The following PLCH1 variants were observed in gnomAD, a reference collection of about 807,000 sequenced individuals.
PLCH1 encodes the protein 1-phosphatidylinositol 4,5-bisphosphate phosphodiesterase eta-1.
A neutral mutation model predicts 126.7 loss-of-function variants in PLCH1; 60 were observed. That is an observed-to-expected ratio of 0.47 (90% CI 0.38 to 0.59). PLCH1 has a LOEUF of 0.59. Among genes scored for constraint, PLCH1 ranks in the 20% least tolerant of loss-of-function variants. The pLI is 0.00. For synonymous variants in PLCH1, 719 were observed against 734.9 expected (o/e 0.98, Z 0.35); for missense variants, 1,723 against 2,040.0 (o/e 0.84, Z 2.99).
chr3:155,534,081 G>A (rs953145597), intron 10 of PLCH1, among the ~76,000 whole-genome samples: 1 of 152,234 alleles, frequency 6.6e-6, no homozygotes, highest in African/African-American at 2.4e-5. Context: ...CCACTGTGTA[G>A]TAAAGCTGTG....
intron 2 of PLCH1, among the ~76,000 whole-genome samples, chr3:155,686,217 T>C (rs1163563460): frequency 1.3e-5 from 2 of 151,992 alleles, no homozygotes. Flanking sequence ...TAAAGTCCCA[T>C]GTGTGGTTGA....
intron 2 of PLCH1, among the ~76,000 whole-genome samples, chr3:155,684,375 G>C (rs1744777292): frequency 6.6e-6 from 1 of 152,162 alleles, no homozygotes. Flanking sequence ...CCTGACTAAA[G>C]AGAGTTCAAA....
chr3:155,615,328 T>G (rs1430713511), intron 2 of PLCH1, among the ~76,000 whole-genome samples: 3 of 152,186 alleles, frequency 2.0e-5, no homozygotes, highest in African/African-American at 7.2e-5. Flanking sequence ...AGTTCTACCC[T>G]GCTGGTTGGA....
chr3:155,706,007 C>G (rs1255345045), intron 1 of PLCH1, among the ~76,000 whole-genome samples: 6 of 149,902 alleles, frequency 4.0e-5, no homozygotes, highest in Non-Finnish European at 5.9e-5. Flanking sequence ...AATCCCATCT[C>G]TACTAAAAAT....
chr3:155,515,358 T>C (rs1720177701), intron 11 of PLCH1, among the ~76,000 whole-genome samples: 2 of 152,210 alleles, frequency 1.3e-5, no homozygotes, highest in Admixed American at 6.5e-5. Context: ...CCTACATAAA[T>C]AAATTAGAAC....
chr3:155,714,645 T>C (rs1285057061), intron 1 of PLCH1, among the ~76,000 whole-genome samples: 1 of 152,184 alleles, frequency 6.6e-6, no homozygotes, highest in Non-Finnish European at 1.5e-5. Flanking sequence ...GAGCTGAAAA[T>C]GCTCTGAGCT....
intron 1 of PLCH1, among the ~76,000 whole-genome samples, chr3:155,725,451 C>CTT (rs34876965): frequency 0.082 from 11,486 of 140,260 alleles, 1,370 homozygotes; most frequent in African/African-American, 0.25. Context: ...ATTTTAGACA[C>CTT]TTTTTTTTTT....
intron 1 of PLCH1, among the ~76,000 whole-genome samples, chr3:155,723,292 T>G (rs575773972): frequency 6.6e-6 from 1 of 152,218 alleles, no homozygotes; most frequent in South Asian, 2.1e-4. Context: ...TTGAGCTTAT[T>G]TGAATCATCT....
chr3:155,629,157 G>C (rs917755894), intron 2 of PLCH1, among the ~76,000 whole-genome samples: 1 of 152,144 alleles, frequency 6.6e-6, no homozygotes, highest in Non-Finnish European at 1.5e-5. Context: ...TACACATTAG[G>C]CTTTCAACAA....
At chr3:155,710,834 C>CAA (rs35396005) in intron 1 of PLCH1, among the ~76,000 whole-genome samples, 9 of 104,466 alleles carry the variant, frequency 8.6e-5, no homozygotes, top group South Asian at 2.8e-4. Context: ...AACTCTGTCT[C>CAA]AAAAAAAAAA....
chr3:155,522,451 T>C (rs1261798005), intron 11 of PLCH1, among the ~76,000 whole-genome samples: 1 of 152,208 alleles, frequency 6.6e-6, no homozygotes, highest in African/African-American at 2.4e-5. Context: ...AGAATACAGA[T>C]AGTAACTTTT....
chr3:155,488,609 C>A, intron 20 of PLCH1, 51 bp downstream of exon 20: 1 of 1,470,094 alleles, frequency 6.8e-7, no homozygotes, highest in Non-Finnish European at 9.2e-7. Flanking sequence ...TTACGTCTTC[C>A]AAATAAAAAG....
chr3:155,637,358 A>T (rs920568019), intron 2 of PLCH1, among the ~76,000 whole-genome samples: 3 of 152,230 alleles, frequency 2.0e-5, no homozygotes, highest in Non-Finnish European at 4.4e-5. Context: ...AGTAAAAAGG[A>T]ATTCGAAAGT....
intron 10 of PLCH1, among the ~76,000 whole-genome samples, chr3:155,534,618 G>A (rs971833900): frequency 5.3e-5 from 8 of 152,168 alleles, no homozygotes; most frequent in African/African-American, 9.7e-5. Flanking sequence ...GACATGAGAT[G>A]TGGGAGCAGC....
intron 12 of PLCH1, 130 bp from the exon 13 acceptor site, chr3:155,504,756 C>T: frequency 3.2e-6 from 2 of 626,208 alleles, no homozygotes; most frequent in Non-Finnish European, 5.7e-6. Flanking sequence ...AAGCAGACTC[C>T]ACTCATTTCC....
chr3:155,451,167 A>T (rs181363709), intron 21 of PLCH1, among the ~76,000 whole-genome samples: 1 of 152,152 alleles, frequency 6.6e-6, no homozygotes, highest in Non-Finnish European at 1.5e-5. Context: ...GAGAATTCAA[A>T]TTAATAAATA....
At chr3:155,718,477 C>A (rs1747691427) in intron 1 of PLCH1, among the ~76,000 whole-genome samples, 1 of 152,092 alleles carries the variant, frequency 6.6e-6, no homozygotes, top group Admixed American at 6.6e-5. Context: ...AAAGAAATAC[C>A]TCAGATTGGG....
At chr3:155,741,187 G>A (rs566817916) in intron 1 of PLCH1, among the ~76,000 whole-genome samples, 3 of 152,276 alleles carry the variant, frequency 2.0e-5, no homozygotes, top group African/African-American at 4.8e-5. Context: ...AAATGGTCAC[G>A]GGTGTCAAAG....
chr3:155,712,852 T>C (rs1747238725), intron 1 of PLCH1, among the ~76,000 whole-genome samples: 1 of 151,874 alleles, frequency 6.6e-6, no homozygotes, highest in African/African-American at 2.4e-5. Context: ...CCTCTTTCTC[T>C]CTACTTTATC....
Sources: gnomAD v4.1 joint callset for allele counts (sites outside exome capture counted in the v4.1 genomes callset) on GRCh38, gnomAD v4.1.1 for gene constraint, MANE v1.5 for transcripts, NCBI Gene and HGNC (gene_info 2026-07-23, HGNC 2026-07-21) for gene names.